Variants in MYT1L observed in about 807,000 individuals in gnomAD.
The protein encoded by MYT1L is myelin transcription factor 1 like.
Under a neutral mutation model 126.7 loss-of-function variants are expected in MYT1L, and 12 were observed. That is an observed-to-expected ratio of 0.09 (90% confidence interval 0.06 to 0.15). The LOEUF is 0.15. Ranked by LOEUF, MYT1L falls within the 10% of genes least tolerant of loss-of-function variation. The pLI is 1.00. For missense variants in MYT1L, 979 were observed against 1,585.2 expected (o/e 0.62, Z 6.49); for synonymous variants, 541 against 604.2 (o/e 0.90, Z 1.53).
intron 3 of MYT1L, among the ~76,000 whole-genome samples, chr2:2,133,580 A>G (rs541386361): frequency 1.3e-5 from 2 of 152,318 alleles, no homozygotes; most frequent in Non-Finnish European, 2.9e-5. Context: ...AAGGCAAAAT[A>G]TTTTTATTCT....
chr2:2,216,230 C>G (rs2093673506), intron 2 of MYT1L, among the ~76,000 whole-genome samples: 1 of 152,060 alleles, frequency 6.6e-6, no homozygotes, highest in African/African-American at 2.4e-5. Flanking sequence ...GCAAGAACAG[C>G]CTAATACACC....
chr2:2,203,944 A>G (rs978768107), intron 2 of MYT1L, among the ~76,000 whole-genome samples: 1 of 152,236 alleles, frequency 6.6e-6, no homozygotes, highest in Non-Finnish European at 1.5e-5. Context: ...CAGAGCCCTC[A>G]GAAATAATGA....
At position 2,310,313 on chromosome 2, in the gene MYT1L, A is replaced by G. The variant is rs191749830; in HGVS notation, c.-521+20654T>C. Among the ~76,000 whole-genome samples the G allele has an allele frequency of 2.6e-5, 4 of 151,400 alleles. No homozygotes were observed. In the East Asian group the frequency reaches 7.8e-4, roughly 30 times the overall value. On this transcript the variant is annotated intron_variant, in intron 1 of 24. Transcript: ENST00000647738. ...CTACACTTTTCTGTTCTTTATCTAT[A>G]CTCCACTTATACTTTAGTACACTCT...
In MYT1L at chr2:2,059,150, G is replaced by GAA. The variant is rs1406801130; in HGVS notation, c.-303-5029_-303-5028dup. ...GTCTGCGTGTCACCCACACTGGCGG[G>GAA]AACTGAATGGCCGTTCCCATTTCTC... On this transcript the variant is annotated intron_variant, in intron 3 of 24. Transcript: ENST00000647738. This position sits in a 1 kb window ranked among gnomAD's most constrained non-coding sequence, Gnocchi z 4.7. 6.6e-6 allele frequency among the ~76,000 whole-genome samples: 1 copy of GAA among 152,174 alleles called. No homozygotes were observed. The highest frequency in any genetic ancestry group is 1.5e-5 in the Non-Finnish European group (1 of 68,036).
chr2:1,864,041 G>C (rs1430861018), intron 18 of MYT1L, among the ~76,000 whole-genome samples: 1 of 152,182 alleles, frequency 6.6e-6, no homozygotes, highest in Non-Finnish European at 1.5e-5. Flanking sequence ...CCTGCCACTG[G>C]CCTTCATGCC....
chr2:2,038,999 C>T (rs1226010878), intron 4 of MYT1L, among the ~76,000 whole-genome samples: 1 of 152,178 alleles, frequency 6.6e-6, no homozygotes, highest in African/African-American at 2.4e-5. Flanking sequence ...ACTGACCACC[C>T]TCTCTGCCGA....
chr2:2,011,579 A>G (rs1350346257), intron 4 of MYT1L, among the ~76,000 whole-genome samples: 1 of 152,148 alleles, frequency 6.6e-6, no homozygotes, highest in African/African-American at 2.4e-5. Context: ...CACCACCACA[A>G]AAGTGAAAAA....
chr2:1,850,033 AG>A (rs144095840), intron 19 of MYT1L, among the ~76,000 whole-genome samples: 41 of 118,028 alleles, frequency 3.5e-4, no homozygotes, highest in African/African-American at 6.5e-4. Context: ...CGGGGTGGTG[AG>A]GGGGGGGCCA....
chr2:2,119,182 C>T (rs1447434501), intron 3 of MYT1L, among the ~76,000 whole-genome samples: 1 of 152,110 alleles, frequency 6.6e-6, no homozygotes, highest in African/African-American at 2.4e-5. Context: ...CATGTTTGAC[C>T]TGGCCAAAAA....
At chr2:1,906,744 T>C (rs1448681406) in intron 13 of MYT1L, among the ~76,000 whole-genome samples, 1 of 152,080 alleles carries the variant, frequency 6.6e-6, no homozygotes, top group Non-Finnish European at 1.5e-5. Context: ...GATAATATGA[T>C]GGTACATAAA....
intron 18 of MYT1L, among the ~76,000 whole-genome samples, chr2:1,880,181 C>T (rs1275371297): frequency 1.3e-5 from 2 of 152,110 alleles, no homozygotes; most frequent in Non-Finnish European, 2.9e-5. Context: ...GGTCAAGAAG[C>T]CGGTAAATAT....
chr2:2,187,767 A>G (rs2092317867), intron 2 of MYT1L, among the ~76,000 whole-genome samples: 1 of 152,118 alleles, frequency 6.6e-6, no homozygotes, highest in South Asian at 2.1e-4. Context: ...AAGTTCTTGA[A>G]GCTGTTATTC....
In MYT1L at chr2:1,889,542, T is replaced by C. The variant is rs1009378168; in HGVS notation, c.2284-65A>G. On this transcript the variant is annotated intron_variant, in intron 15 of 24. Coordinates refer to ENST00000647738, the MANE Select transcript of MYT1L (RefSeq NM_001303052.2). The surrounding 1 kb of genome is among the most constrained non-coding windows in gnomAD (Gnocchi z 4.1). ...ATCTTGTGACACCACGAGTCCTTCCTCCCAGATTACAGTCCTGCCGTCAGC... is the reference window on the plus strand; with the variant it reads ...ATCTTGTGACACCACGAGTCCTTCCCCCCAGATTACAGTCCTGCCGTCAGC... 4 of 1,316,118 alleles carry C rather than the reference T, an allele frequency of 3.0e-6. No homozygotes were observed. The African/African-American group carries it at 5.8e-5, about 19-fold the overall frequency. 81.5% of individuals were successfully genotyped at this position (1,316,118 alleles called of 1,614,324 possible).
At chr2:1,902,226 T>C (rs2148952119) in intron 14 of MYT1L, among the ~76,000 whole-genome samples, 1 of 152,360 alleles carries the variant, frequency 6.6e-6, no homozygotes, top group East Asian at 1.9e-4. Flanking sequence ...AAATGGTAAC[T>C]AGTTCATACT....
intron 2 of MYT1L, among the ~76,000 whole-genome samples, chr2:2,268,683 A>G (rs1029048638): frequency 1.3e-5 from 2 of 152,172 alleles, no homozygotes; most frequent in Admixed American, 6.5e-5. Context: ...AATTTCCAAT[A>G]TATAACAAGC....
At chr2:1,826,693 G>C (rs2039398900) in intron 21 of MYT1L, among the ~76,000 whole-genome samples, 1 of 152,192 alleles carries the variant, frequency 6.6e-6, no homozygotes, top group Admixed American at 6.5e-5. Flanking sequence ...GCCGGCGTCG[G>C]GGAAAGCGGA....
intron 5 of MYT1L, among the ~76,000 whole-genome samples, chr2:1,980,086 C>T (rs2060490012): frequency 6.6e-6 from 1 of 151,640 alleles, no homozygotes; most frequent in African/African-American, 2.4e-5. Flanking sequence ...TTGATGGAGA[C>T]ACATCTGTGT....
chr2:1,924,361 G>A (rs1192217230), intron 9 of MYT1L, among the ~76,000 whole-genome samples: 1 of 152,148 alleles, frequency 6.6e-6, no homozygotes, highest in Non-Finnish European at 1.5e-5. Flanking sequence ...TGTACCCTTA[G>A]ATTAGATTTG....
At chr2:2,019,506 A>G (rs914458775) in intron 4 of MYT1L, among the ~76,000 whole-genome samples, 1 of 152,348 alleles carries the variant, frequency 6.6e-6, no homozygotes, top group South Asian at 2.1e-4. Flanking sequence ...TTGGTATCCA[A>G]GCCCAGAGGC....
Sources: allele counts gnomAD v4.1 joint callset (sites outside exome capture counted in the v4.1 genomes callset), GRCh38; gene constraint gnomAD v4.1.1; non-coding constraint Gnocchi (gnomAD v3.1); transcripts MANE v1.5; gene names NCBI Gene and HGNC (gene_info 2026-07-23, HGNC 2026-07-21).